UPF2: variants seen among roughly 807,000 people sequenced by gnomAD.
UPF2 encodes UPF2 regulator of nonsense mediated mRNA decay.
UPF2 carries 17 observed loss-of-function variants against 141.4 expected under a neutral mutation model. That is an observed-to-expected ratio of 0.12 (90% confidence interval 0.08 to 0.18). The LOEUF (loss-of-function observed/expected upper bound fraction) is 0.18. Among genes scored for constraint, UPF2 ranks in the 10% least tolerant of loss-of-function variants. The probability of loss-of-function intolerance (pLI) is 1.00; values close to 1 mark genes in which losing one functional copy is unlikely to be tolerated. For missense variants in UPF2, 1,152 were observed against 1,515.9 expected, an observed-to-expected ratio of 0.76 and a Z score of 3.99; for synonymous variants, 540 against 498.0, an observed-to-expected ratio of 1.08 and a Z score of -1.12.
At position 12,004,212 on chromosome 10, in the gene UPF2, C is replaced by T. The variant is rs187108644; in HGVS notation, c.1504+318G>A. Among the ~76,000 whole-genome samples the T allele has an allele frequency of 3.0e-3, 451 of 152,284 alleles. 2 individuals are homozygous for T. The highest frequency in any genetic ancestry group is 0.01 in the African/African-American group (429 of 41,564). ...GGTAATGAGCATCATAGAGCTAACA[C>T]CTGCCCTAACAATCTGATACCTGGG... On this transcript the variant is annotated intron_variant, in intron 5 of 21. Transcript: ENST00000357604.
chr10:12,012,659 C>G (rs187953362), intron 4 of UPF2, among the ~76,000 whole-genome samples: 2 of 151,648 alleles, frequency 1.3e-5, no homozygotes, highest in East Asian at 3.9e-4. Context: ...CTTAGGTGGG[C>G]GTGGTGGTGG....
At chr10:11,983,856 C>T (rs897005745) in intron 8 of UPF2, among the ~76,000 whole-genome samples, 5 of 152,050 alleles carry the variant, frequency 3.3e-5, no homozygotes, top group African/African-American at 1.2e-4. Flanking sequence ...GATATTATTT[C>T]TTCCTTAAAA....
At chr10:12,030,446 A>G (rs1834498234) in intron 2 of UPF2, among the ~76,000 whole-genome samples, 1 of 152,004 alleles carries the variant, frequency 6.6e-6, no homozygotes, top group African/African-American at 2.4e-5. Context: ...AGGCAGGAGA[A>G]TTGCTTAAAC....
At chr10:11,986,184 T>C (rs1455143754) in intron 8 of UPF2, among the ~76,000 whole-genome samples, 1 of 152,116 alleles carries the variant, frequency 6.6e-6, no homozygotes, top group Non-Finnish European at 1.5e-5. Context: ...GCGCCCGGCC[T>C]AGATCCTTCC....
intron 16 of UPF2, among the ~76,000 whole-genome samples, chr10:11,944,194 C>T (rs768396014): frequency 5.3e-5 from 8 of 152,092 alleles, no homozygotes; most frequent in African/African-American, 9.7e-5. Context: ...AAAATGAAAA[C>T]GTTTCAAAAA....
At chr10:11,972,063 C>CA (rs58355538) in intron 9 of UPF2, among the ~76,000 whole-genome samples, 5,688 of 100,774 alleles carry the variant, frequency 0.056, 172 homozygotes, top group Non-Finnish European at 0.081. Context: ...GACTCTGTCT[C>CA]AAAAAAAAAA....
intron 3 of UPF2, among the ~76,000 whole-genome samples, chr10:12,025,195 G>A (rs183576646): frequency 1.3e-5 from 2 of 152,162 alleles, no homozygotes; most frequent in Admixed American, 6.6e-5. Flanking sequence ...TTTCTACATG[G>A]TGATTAAGAT....
chr10:11,965,657 C>T (rs1026834063), intron 10 of UPF2, among the ~76,000 whole-genome samples: 2 of 152,114 alleles, frequency 1.3e-5, no homozygotes, highest in Non-Finnish European at 2.9e-5. Context: ...AACGGCGTTT[C>T]ACCGTGTTAG....
chr10:12,016,788 C>A lies in UPF2; in HGVS notation c.1146-2604G>T, dbSNP rs1472248571. On this transcript the variant is annotated intron_variant, in intron 3 of 21. Transcript: ENST00000357604. The surrounding 1 kb of genome is among the most constrained non-coding windows in gnomAD (Gnocchi z 4.1). ...CTATAATCCCAGCACTTTGGGAGGCCGAGGCAGGCGGATCACCTGAGGTGA... is the reference window on the plus strand; with the variant it reads ...CTATAATCCCAGCACTTTGGGAGGCAGAGGCAGGCGGATCACCTGAGGTGA... Among the ~76,000 whole-genome samples the A allele has an allele frequency of 6.6e-6, 1 of 151,664 alleles. No homozygotes were observed. The highest frequency in any genetic ancestry group is 6.6e-5 in the Admixed American group (1 of 15,226).
intron 15 of UPF2, among the ~76,000 whole-genome samples, chr10:11,950,878 C>T (rs1302382739): frequency 6.6e-6 from 1 of 152,176 alleles, no homozygotes; most frequent in Non-Finnish European, 1.5e-5. Flanking sequence ...CTTGCACAAT[C>T]AGTAGCAGCA....
chr10:12,040,638 C>G (rs752865812), intron 1 of UPF2, among the ~76,000 whole-genome samples: 5 of 152,088 alleles, frequency 3.3e-5, no homozygotes, highest in Admixed American at 6.6e-5. Context: ...CATGAAGAGG[C>G]AGCAATGCAA....
chr10:11,961,081 C>G (rs1833233549), intron 11 of UPF2, among the ~76,000 whole-genome samples: 1 of 146,478 alleles, frequency 6.8e-6, no homozygotes, highest in South Asian at 2.2e-4. Flanking sequence ...CAGCGGGAGA[C>G]CCTGTCTCAA....
chr10:11,947,893 TTTTAA>T (rs1439329859), intron 16 of UPF2, among the ~76,000 whole-genome samples: 2 of 151,838 alleles, frequency 1.3e-5, no homozygotes, highest in Admixed American at 6.6e-5. Flanking sequence ...CTTTAAAAAC[TTTTAA>T]TTAAACAAGG....
chr10:12,035,036 A>G (rs747069431), intron 2 of UPF2, 23 bp downstream of exon 2: 10 of 1,535,394 alleles, frequency 6.5e-6, no homozygotes, highest in African/African-American at 1.4e-5. Context: ...CCTCACATCA[A>G]TAAATACAAT....
chr10:11,994,975 C>CAAAAAAAAAAAAAAAAAAAA (rs60922532), intron 8 of UPF2, among the ~76,000 whole-genome samples: 2 of 51,358 alleles, frequency 3.9e-5, no homozygotes, highest in Admixed American at 3.5e-4. Flanking sequence ...GACTCCATCT[C>CAAAAAAAAAAAAAAAAAAAA]AAAAAAAAAA....
intron 9 of UPF2, among the ~76,000 whole-genome samples, chr10:11,970,764 A>T (rs1277277607): frequency 6.6e-6 from 1 of 152,168 alleles, no homozygotes; most frequent in Non-Finnish European, 1.5e-5. Context: ...GCAAGCTGAG[A>T]TCATGCCACT....
chr10:11,964,645 A>G (rs572568426), intron 10 of UPF2, among the ~76,000 whole-genome samples: 1 of 152,286 alleles, frequency 6.6e-6, no homozygotes, highest in Non-Finnish European at 1.5e-5. Flanking sequence ...GCTTACTAGG[A>G]AAAATTTTTT....
intron 15 of UPF2, among the ~76,000 whole-genome samples, chr10:11,950,930 C>T (rs1049478009): frequency 3.3e-5 from 5 of 152,104 alleles, no homozygotes; most frequent in African/African-American, 9.7e-5. Flanking sequence ...TTCAGATATG[C>T]GATGTCGTAA....
At chr10:12,041,666 C>A (rs1007694226) in intron 1 of UPF2, among the ~76,000 whole-genome samples, 29 of 152,206 alleles carry the variant, frequency 1.9e-4, no homozygotes, top group African/African-American at 6.8e-4. Flanking sequence ...ATTCAAAATG[C>A]TGTCAGGACA....
Sources: gnomAD v4.1 joint callset for allele counts (sites outside exome capture counted in the v4.1 genomes callset) on GRCh38, gnomAD v4.1.1 for gene constraint, Gnocchi (gnomAD v3.1) non-coding constraint, MANE v1.5 for transcripts, NCBI Gene and HGNC (gene_info 2026-07-23, HGNC 2026-07-21) for gene names.